LRBA: variants seen among roughly 807,000 people sequenced by gnomAD.
LRBA encodes lipopolysaccharide-responsive and beige-like anchor protein.
LRBA carries 176 observed loss-of-function variants against 330.0 expected under a neutral mutation model. That is an observed-to-expected ratio of 0.53 (90% CI 0.47 to 0.60). LRBA has a LOEUF of 0.60. LRBA is among the 20% of genes least tolerant of loss of function. The probability of loss-of-function intolerance (pLI) is 0.00; values close to 1 mark genes in which losing one functional copy is unlikely to be tolerated. For missense variants in LRBA, 3,259 were observed against 3,444.8 expected, an observed-to-expected ratio of 0.95 and a Z score of 1.35; for synonymous variants, 1,230 against 1,193.0, an observed-to-expected ratio of 1.03 and a Z score of -0.64.
intron 40 of LRBA, among the ~76,000 whole-genome samples, chr4:150,518,056 C>T (rs12499524): frequency 0.75 from 114,050 of 152,184 alleles, 46,807 homozygotes; most frequent in Non-Finnish European, 0.92. Flanking sequence ...CCTCAACATA[C>T]GCTATTTCTT....
In LRBA at chr4:150,906,297, C is replaced by A; in HGVS notation, c.1602G>T (p.Lys534Asn). ...GFLVIGYSLEKSSKSHVSRAV... is the reference protein window; with the variant it reads ...GFLVIGYSLENSSKSHVSRAV... Reference sequence around the variant, plus strand: ...AAACATAAAATATTTCATACTTTACCTTTTCAAGGCTATATCCTATTACCA... The same window carrying A: ...AAACATAAAATATTTCATACTTTACATTTTCAAGGCTATATCCTATTACCA... The change falls in exon 12 of 57, where the codon AAG becomes AAT. Residue 534 changes from lysine to asparagine, a missense_variant and splice_region_variant. Coordinates refer to ENST00000651943, the MANE Select transcript of LRBA (RefSeq NM_001364905.1). 1 of 1,553,680 alleles carries A rather than the reference C, an allele frequency of 6.4e-7. No individual in the cohort carries two copies. The highest frequency in any genetic ancestry group is 1.1e-5 in the South Asian group (1 of 87,318).
intron 38 of LRBA, among the ~76,000 whole-genome samples, chr4:150,598,366 T>C (rs919434242): frequency 1.3e-5 from 2 of 152,176 alleles, no homozygotes; most frequent in South Asian, 2.1e-4. Flanking sequence ...AATTTACTTA[T>C]AAGACTTTTA....
At chr4:150,424,750 T>G (rs897127358) in intron 46 of LRBA, among the ~76,000 whole-genome samples, 1 of 152,200 alleles carries the variant, frequency 6.6e-6, no homozygotes, top group African/African-American at 2.4e-5. Context: ...CACACAGACA[T>G]GGGAAGAACA....
In LRBA at chr4:150,321,184, T is replaced by C. The variant is rs750893903; in HGVS notation, c.7630+7A>G. On this transcript the variant is annotated splice_region_variant and intron_variant, in intron 50 of 56. Coordinates refer to ENST00000651943, the MANE Select transcript of LRBA (RefSeq NM_001364905.1). This position sits in a 1 kb window ranked among gnomAD's most constrained non-coding sequence, Gnocchi z 4.5. ...ACCATGCCTTATAATGGTATTTCTTTACTTACCAGGAAGGTTGTGCCATTT... is the reference window on the plus strand; with the variant it reads ...ACCATGCCTTATAATGGTATTTCTTCACTTACCAGGAAGGTTGTGCCATTT... 1 of 1,605,896 alleles carries C rather than the reference T, an allele frequency of 6.2e-7. No individual in the cohort carries two copies. Among genetic ancestry groups the C allele is most frequent in the Non-Finnish European group, 8.5e-7 (1 of 1,177,006 alleles).
intron 44 of LRBA, among the ~76,000 whole-genome samples, chr4:150,458,418 T>C (rs1468510028): frequency 6.6e-6 from 1 of 151,888 alleles, no homozygotes; most frequent in African/African-American, 2.4e-5. Flanking sequence ...AATAATTCAA[T>C]TTAAAAAGGT....
chr4:150,351,550 G>A (rs1477044557), intron 47 of LRBA, among the ~76,000 whole-genome samples: 4 of 152,156 alleles, frequency 2.6e-5, no homozygotes, highest in Admixed American at 6.5e-5. Context: ...TTAGCCGGGC[G>A]TGGTGGCGGG....
In LRBA at chr4:150,915,683, A is replaced by G. The variant is rs760358108; in HGVS notation, c.939T>C (p.Asn313=). 3.7e-6 allele frequency: 6 copies of G among 1,612,652 alleles called. No individual in the cohort carries two copies. The highest frequency in any genetic ancestry group is 1.3e-5 in the African/African-American group (1 of 75,022). The part of the protein sequence containing the change: ...TIVHIYNRWK[N]SELRCYVNGE... ...CATTCACATAACATCGAAGTTCACT[A>G]TTCTTCCATCGGTTATAGATGTGTA... Residue 313 remains asparagine, a synonymous_variant, in exon 8 of 57, where the codon AAT becomes AAC. Coordinates refer to ENST00000651943, the MANE Select transcript of LRBA (RefSeq NM_001364905.1).
At chr4:151,004,953 T>C (rs1316008071) in intron 2 of LRBA, among the ~76,000 whole-genome samples, 1 of 151,924 alleles carries the variant, frequency 6.6e-6, no homozygotes, top group Non-Finnish European at 1.5e-5. Context: ...AGCATGCCAT[T>C]GCACTCCAGC....
At chr4:150,979,215 G>C (rs1244757623) in intron 2 of LRBA, among the ~76,000 whole-genome samples, 2 of 152,174 alleles carry the variant, frequency 1.3e-5, no homozygotes, top group Non-Finnish European at 2.9e-5. Flanking sequence ...AAACCTTAAA[G>C]CCACATGAGA....
At chr4:150,501,509 G>A (rs1581503686) in intron 40 of LRBA, among the ~76,000 whole-genome samples, 3 of 152,188 alleles carry the variant, frequency 2.0e-5, no homozygotes, top group South Asian at 2.1e-4. Flanking sequence ...ATACTAGGGC[G>A]GCTGAGGCAG....
intron 28 of LRBA, among the ~76,000 whole-genome samples, chr4:150,842,858 G>A (rs1048710123): frequency 1.3e-5 from 2 of 152,082 alleles, no homozygotes; most frequent in Admixed American, 6.6e-5. Context: ...TTGGCACAAG[G>A]GACTAGTTTC....
At chr4:150,907,905 A>T (rs1001889206) in intron 11 of LRBA, among the ~76,000 whole-genome samples, 3 of 152,144 alleles carry the variant, frequency 2.0e-5, no homozygotes, top group Non-Finnish European at 2.9e-5. Context: ...TTGACTTCCA[A>T]TTACATAAAT....
chr4:150,471,678 G>T lies in LRBA; in HGVS notation c.6613C>A (p.Gln2205Lys). 1 of 1,609,768 alleles carries T rather than the reference G, an allele frequency of 6.2e-7. No individual in the cohort carries two copies. The highest frequency in any genetic ancestry group is 1.7e-5 in the Admixed American group (1 of 58,920). The stretch of plus-strand genomic sequence containing the variant: ...TCAAAATTAGATATCTCTCTGTGTT[G>T]CCATCGCTGGGTCATATTAGAAGCC... ...FKASNMTQRW[Q>K]HREISNFEYL... The change falls in exon 43 of 57, where the codon CAA becomes AAA. Residue 2205 changes from glutamine (Q) to lysine (K), a missense_variant. By Grantham distance (53) the Gln-to-Lys change is moderately conservative. Transcript: ENST00000651943.
At chr4:150,768,344 G>C (rs902879070) in intron 34 of LRBA, among the ~76,000 whole-genome samples, 2 of 152,110 alleles carry the variant, frequency 1.3e-5, no homozygotes, top group African/African-American at 2.4e-5. Context: ...TGAAGGCACT[G>C]AGTACATACG....
intron 37 of LRBA, among the ~76,000 whole-genome samples, chr4:150,625,710 T>A (rs867656325): frequency 1.4e-5 from 2 of 146,570 alleles, no homozygotes; most frequent in African/African-American, 5.2e-5. Context: ...TATATATAAT[T>A]ATTATTATTT....
At chr4:150,499,227 G>GA (rs1336350194) in intron 40 of LRBA, among the ~76,000 whole-genome samples, 2 of 151,958 alleles carry the variant, frequency 1.3e-5, no homozygotes, top group African/African-American at 4.8e-5. Flanking sequence ...GTACGGTATA[G>GA]AAAAAAATCA....
At chr4:150,526,659 A>C (rs1244101652) in intron 40 of LRBA, among the ~76,000 whole-genome samples, 1 of 152,154 alleles carries the variant, frequency 6.6e-6, no homozygotes, top group African/African-American at 2.4e-5. Flanking sequence ...CAATTTCAAT[A>C]ATTATGCCAG....
At chr4:150,838,903 A>T (rs1300131544) in intron 28 of LRBA, among the ~76,000 whole-genome samples, 1 of 152,052 alleles carries the variant, frequency 6.6e-6, no homozygotes, top group East Asian at 1.9e-4. Flanking sequence ...GATCTATTTA[A>T]ACTGAAGAGC....
chr4:150,954,817 C>CAAAAAAA (rs34282784), intron 2 of LRBA, among the ~76,000 whole-genome samples: 1,393 of 45,160 alleles, frequency 0.031, 1 homozygote, highest in Non-Finnish European at 0.037. Flanking sequence ...ACTCAGAAAT[C>CAAAAAAA]AAAAAAAAAA....
Sources: allele counts gnomAD v4.1 joint callset (sites outside exome capture counted in the v4.1 genomes callset), GRCh38; gene constraint gnomAD v4.1.1; non-coding constraint Gnocchi (gnomAD v3.1); transcripts MANE v1.5; gene names NCBI Gene and HGNC (gene_info 2026-07-23, HGNC 2026-07-21).